The following SYNPR variants were observed in gnomAD, a reference collection of about 807,000 sequenced individuals.
SYNPR encodes synaptoporin.
In SYNPR, 23 loss-of-function variants were observed where a neutral mutation model predicts 32.9. That is an observed-to-expected ratio of 0.70 (90% CI 0.50 to 0.99). SYNPR has a LOEUF of 0.99. Ranked by LOEUF, SYNPR falls within the 50% of genes least tolerant of loss-of-function variation. The pLI is 0.00. For missense variants in SYNPR, 318 were observed against 349.3 expected (o/e 0.91, Z 0.71); for synonymous variants, 146 against 135.9 (o/e 1.07, Z -0.52).
chr3:63,571,614 T>C (rs978282746), intron 4 of SYNPR, among the ~76,000 whole-genome samples: 8 of 152,008 alleles, frequency 5.3e-5, no homozygotes, highest in African/African-American at 1.9e-4. Flanking sequence ...ATTCAGAAAA[T>C]TTCTAAATGC....
At chr3:63,560,152 T>C (rs778989355) in intron 4 of SYNPR, among the ~76,000 whole-genome samples, 1 of 152,182 alleles carries the variant, frequency 6.6e-6, no homozygotes, top group Non-Finnish European at 1.5e-5. Flanking sequence ...CAGAGAGAGA[T>C]AATTCTAGTA....
At chr3:63,281,077 A>G (rs1026506251) in intron 2 of SYNPR, among the ~76,000 whole-genome samples, 2 of 152,210 alleles carry the variant, frequency 1.3e-5, no homozygotes, top group African/African-American at 4.8e-5. Flanking sequence ...TGTGCACACA[A>G]TGGCTTGAGG....
intron 1 of SYNPR, among the ~76,000 whole-genome samples, chr3:63,239,936 A>G (rs998962069): frequency 2.0e-5 from 3 of 152,120 alleles, no homozygotes; most frequent in African/African-American, 7.2e-5. Flanking sequence ...GAAAAGATTT[A>G]TAAGATGGAA....
At chr3:63,473,843 G>A (rs573620848) in intron 2 of SYNPR, among the ~76,000 whole-genome samples, 1 of 152,216 alleles carries the variant, frequency 6.6e-6, no homozygotes, top group Non-Finnish European at 1.5e-5. Context: ...GCTAGAAGCT[G>A]AGATCAGGTG....
the SYNPR span, among the ~76,000 whole-genome samples, chr3:63,222,088 A>AGT: frequency 7.2e-6 from 1 of 139,042 alleles, no homozygotes; most frequent in African/African-American, 2.7e-5. Flanking sequence ...TTTAACGGCA[A>AGT]GTGATGTGTC....
intron 2 of SYNPR, among the ~76,000 whole-genome samples, chr3:63,385,286 C>G (rs1306200796): frequency 6.6e-6 from 1 of 152,174 alleles, no homozygotes; most frequent in East Asian, 1.9e-4. Context: ...TCCTTCCTTT[C>G]TCTTTCAGAG....
chr3:63,384,573 T>A (rs567680729), intron 2 of SYNPR, among the ~76,000 whole-genome samples: 1 of 152,304 alleles, frequency 6.6e-6, no homozygotes, highest in East Asian at 1.9e-4. Flanking sequence ...ACGAACAATA[T>A]GTGCTGACTA....
chr3:63,610,651 C>T (rs1191849234), intron 5 of SYNPR: 15 of 484,848 alleles, frequency 3.1e-5, no homozygotes, highest in East Asian at 6.0e-5. Context: ...TTGAGGTATA[C>T]GTTACCATAT....
chr3:63,347,117 AGAGT>A (rs1197238195), intron 2 of SYNPR, among the ~76,000 whole-genome samples: 2 of 152,236 alleles, frequency 1.3e-5, no homozygotes, highest in East Asian at 3.8e-4. Flanking sequence ...TGTTTGGGAC[AGAGT>A]AAGTACTTCA....
At chr3:63,603,460 G>A (rs1700073500) in intron 4 of SYNPR, among the ~76,000 whole-genome samples, 1 of 152,166 alleles carries the variant, frequency 6.6e-6, no homozygotes, top group Admixed American at 6.5e-5. Context: ...TGTATATTCA[G>A]TATGATGTTG....
At chr3:63,449,185 A>G (rs902015746) in intron 2 of SYNPR, among the ~76,000 whole-genome samples, 1 of 152,208 alleles carries the variant, frequency 6.6e-6, no homozygotes, top group African/African-American at 2.4e-5. Context: ...TAAAGAAACT[A>G]TGATTTTCCC....
At chr3:63,218,118 G>T in the SYNPR span, among the ~76,000 whole-genome samples, 1 of 152,096 alleles carries the variant, frequency 6.6e-6, no homozygotes, top group Non-Finnish European at 1.5e-5. Context: ...GAGTAACAGA[G>T]CAAGACCTTG....
intron 2 of SYNPR, among the ~76,000 whole-genome samples, chr3:63,346,130 TCAAAC>T (rs767311398): frequency 2.6e-5 from 4 of 152,176 alleles, no homozygotes; most frequent in Non-Finnish European, 5.9e-5. Context: ...ACTATTTTAT[TCAAAC>T]TCTTCATACA....
In SYNPR at chr3:63,615,572, T is replaced by C. The variant is rs1700268383; in HGVS notation, c.*91T>C. The C allele has an allele frequency of 6.8e-7, 1 of 1,480,020 alleles. No individual in the cohort carries two copies. Among genetic ancestry groups the C allele is most frequent in the Non-Finnish European group, 9.1e-7 (1 of 1,102,484 alleles). 91.7% of individuals were successfully genotyped at this position (1,480,020 alleles called of 1,614,324 possible). On this transcript the variant is annotated 3_prime_UTR_variant, in exon 6 of 6. Coordinates refer to ENST00000478300, the MANE Select transcript of SYNPR (RefSeq NM_001130003.2). Reference sequence around the variant, plus strand: ...TTTAAGGGTTTCAATCAATTATTAATGCAGAGAGTATTGAATGTAAATCAG... The same window carrying C: ...TTTAAGGGTTTCAATCAATTATTAACGCAGAGAGTATTGAATGTAAATCAG...
intron 4 of SYNPR, among the ~76,000 whole-genome samples, chr3:63,595,257 T>C (rs997989551): frequency 6.6e-6 from 1 of 152,118 alleles, no homozygotes; most frequent in African/African-American, 2.4e-5. Context: ...GATTAGAGAC[T>C]TTCTGACTTC....
At position 63,609,245 on chromosome 3, in the gene SYNPR, G is replaced by C. The variant is rs376424280; in HGVS notation, c.529G>C (p.Ala177Pro). 1 of 1,607,166 alleles carries C rather than the reference G, an allele frequency of 6.2e-7. No homozygotes were observed. The highest frequency in any genetic ancestry group is 1.3e-5 in the African/African-American group (1 of 74,856). The change falls in exon 5 of 6, where the codon GCT becomes CCT. Residue 177 changes from alanine to proline, a missense_variant. Ala to Pro is a conservative substitution (Grantham distance 27, BLOSUM62 -1). Transcript: ENST00000478300. ...CAAGGAAGTATTGCTACTAATGTCA[G>C]CTTGCAAACAGCCATCCAACAAATG... ...DPKEVLLLMSACKQPSNKCMA... is the reference protein window; with the variant it reads ...DPKEVLLLMSPCKQPSNKCMA...
At chr3:63,559,010 T>C (rs1575710539) in intron 4 of SYNPR, among the ~76,000 whole-genome samples, 1 of 152,094 alleles carries the variant, frequency 6.6e-6, no homozygotes, top group African/African-American at 2.4e-5. Flanking sequence ...ATCAAGTAAC[T>C]GTTCCATTGA....
rs1481527036 is a variant in SYNPR at position 63,405,653 on chromosome 3, C to T, written c.85-75179C>T. ...TGATCATATTAATGCTTAAAACAGA[C>T]CCTTCAGGCTGCCATGTGGACAGTG... On this transcript the variant is annotated intron_variant, in intron 2 of 5. Transcript: ENST00000478300. 2.6e-5 allele frequency among the ~76,000 whole-genome samples: 4 copies of T among 152,154 alleles called. No homozygotes were observed. The East Asian group carries it at 5.8e-4, about 22-fold the overall frequency.
chr3:63,444,131 C>A (rs1700230305), intron 2 of SYNPR: 1 of 152,206 alleles, frequency 6.6e-6, no homozygotes, highest in Non-Finnish European at 1.5e-5. Flanking sequence ...ATTTCTGCCA[C>A]CATCTGTCAG....
Sources: allele counts gnomAD v4.1 joint callset (sites outside exome capture counted in the v4.1 genomes callset), GRCh38; gene constraint gnomAD v4.1.1; transcripts MANE v1.5; gene names NCBI Gene and HGNC (gene_info 2026-07-23, HGNC 2026-07-21).